Variants in SUFU observed in about 807,000 individuals in gnomAD.
SUFU encodes SUFU negative regulator of hedgehog signaling.
A neutral mutation model predicts 58.9 loss-of-function variants in SUFU; 7 were observed. That is an observed-to-expected ratio of 0.12 (90% CI 0.07 to 0.22). SUFU has a LOEUF of 0.22. SUFU is among the 10% of genes least tolerant of loss of function. SUFU has a pLI of 1.00. For missense variants in SUFU, 451 were observed against 641.3 expected, an observed-to-expected ratio of 0.70 and a Z score of 3.20; for synonymous variants, 232 against 254.8, an observed-to-expected ratio of 0.91 and a Z score of 0.85.
intron 10 of SUFU, chr10:102,618,778 T>C (rs1390447873): frequency 5.9e-6 from 3 of 511,328 alleles, no homozygotes; most frequent in Non-Finnish European, 6.9e-6. Flanking sequence ...CTCCATTCCC[T>C]ACCCCCAGCC....
At chr10:102,604,958 G>T (rs2063549134) in intron 8 of SUFU, among the ~76,000 whole-genome samples, 1 of 125,130 alleles carries the variant, frequency 8.0e-6, no homozygotes, top group South Asian at 2.5e-4. Flanking sequence ...ACGAGGTGAA[G>T]TCTCACTCTG....
intron 8 of SUFU, 146 bp from the exon 9 acceptor site, chr10:102,615,122 C>A: frequency 2.5e-6 from 3 of 1,223,738 alleles, no homozygotes; most frequent in East Asian, 2.5e-5. Flanking sequence ...GCTCGCCAGG[C>A]ATATACAGAA....
At chr10:102,532,490 A>G (rs930892986) in intron 2 of SUFU, among the ~76,000 whole-genome samples, 9 of 152,278 alleles carry the variant, frequency 5.9e-5, no homozygotes, top group African/African-American at 2.2e-4. Context: ...CTGTGGTCAG[A>G]GTGTCAGGCG....
At chr10:102,572,837 C>A in intron 3 of SUFU, 1 of 820,542 alleles carries the variant, frequency 1.2e-6, no homozygotes, top group South Asian at 1.3e-5. Flanking sequence ...TTCTCTCCAT[C>A]ACGCTGAATC....
At chr10:102,615,490 C>T in intron 9 of SUFU, 88 bp downstream of exon 9, 1 of 1,594,770 alleles carries the variant, frequency 6.3e-7, no homozygotes. Flanking sequence ...CAGCCCCCTC[C>T]CCCAGCAGGC....
intron 10 of SUFU, among the ~76,000 whole-genome samples, chr10:102,621,205 C>G (rs777678339): frequency 1.3e-5 from 2 of 152,214 alleles, no homozygotes; most frequent in African/African-American, 2.4e-5. Flanking sequence ...TTTGGTGCCT[C>G]TACTGTTCCT....
intron 2 of SUFU, among the ~76,000 whole-genome samples, chr10:102,544,124 T>C (rs1328138505): frequency 6.6e-6 from 1 of 152,082 alleles, no homozygotes; most frequent in African/African-American, 2.4e-5. Context: ...GCTTTGGAGT[T>C]ATACAGACTT....
chr10:102,609,757 A>G (rs924337856), intron 8 of SUFU, among the ~76,000 whole-genome samples: 3 of 152,208 alleles, frequency 2.0e-5, no homozygotes, highest in African/African-American at 2.4e-5. Flanking sequence ...GAACACCAGA[A>G]TTGGCAGGCG....
chr10:102,527,445 A>G (rs796955811), intron 2 of SUFU, among the ~76,000 whole-genome samples: 1 of 151,886 alleles, frequency 6.6e-6, no homozygotes, highest in Non-Finnish European at 1.5e-5. Flanking sequence ...TGACGGTTTT[A>G]TTTCCCCAAA....
chr10:102,517,480 A>C (rs2062485871), intron 2 of SUFU, among the ~76,000 whole-genome samples: 1 of 152,120 alleles, frequency 6.6e-6, no homozygotes. Flanking sequence ...TTCCCTGTTC[A>C]GCCCACCCTT....
chr10:102,570,597 T>C (rs1165242626), intron 3 of SUFU, among the ~76,000 whole-genome samples: 2 of 152,136 alleles, frequency 1.3e-5, no homozygotes, highest in African/African-American at 4.8e-5. Flanking sequence ...TGTTCCAGTC[T>C]GGTTTCTTGC....
At chr10:102,511,548 G>C (rs1723288770) in intron 2 of SUFU, among the ~76,000 whole-genome samples, 1 of 151,934 alleles carries the variant, frequency 6.6e-6, no homozygotes, top group Admixed American at 6.6e-5. Flanking sequence ...TGTCTTCCGT[G>C]TCATTGTGTT....
At chr10:102,518,860 CCGG>C (rs2062508268) in intron 2 of SUFU, among the ~76,000 whole-genome samples, 1 of 151,526 alleles carries the variant, frequency 6.6e-6, no homozygotes, top group African/African-American at 2.4e-5. Flanking sequence ...AAGGGTCTGG[CCGG>C]GTGCGGTGGC....
intron 3 of SUFU, among the ~76,000 whole-genome samples, chr10:102,580,501 A>G (rs575213304): frequency 6.6e-6 from 1 of 152,140 alleles, no homozygotes; most frequent in East Asian, 1.9e-4. Flanking sequence ...GGGAGGGGGT[A>G]TGGAGCCGGG....
chr10:102,623,512 C>G (rs1278338528), intron 10 of SUFU, among the ~76,000 whole-genome samples: 1 of 152,216 alleles, frequency 6.6e-6, no homozygotes, highest in Non-Finnish European at 1.5e-5. Flanking sequence ...AAAACCAAAG[C>G]TACCTTCACC....
At chr10:102,561,107 T>G (rs915039658) in intron 3 of SUFU, among the ~76,000 whole-genome samples, 17 of 152,226 alleles carry the variant, frequency 1.1e-4, no homozygotes, top group Admixed American at 3.9e-4. Flanking sequence ...CCTCCCAAAG[T>G]GCTGGGATTA....
At chr10:102,620,860 G>A (rs1386168949) in intron 10 of SUFU, among the ~76,000 whole-genome samples, 2 of 152,214 alleles carry the variant, frequency 1.3e-5, no homozygotes, top group Admixed American at 6.5e-5. Flanking sequence ...TCTGAAGGGG[G>A]ATAAGTCTCA....
At chr10:102,528,119 G>A (rs933911428) in intron 2 of SUFU, among the ~76,000 whole-genome samples, 2 of 152,168 alleles carry the variant, frequency 1.3e-5, no homozygotes, top group Non-Finnish European at 1.5e-5. Flanking sequence ...CTCCAGGCTG[G>A]CTTAGGAGTC....
At chr10:102,574,639 A>G (rs915519677) in intron 3 of SUFU, among the ~76,000 whole-genome samples, 10 of 152,210 alleles carry the variant, frequency 6.6e-5, no homozygotes, top group African/African-American at 2.4e-4. Context: ...TAAATAAAAG[A>G]TACAAATATA....
Sources: gnomAD v4.1 joint callset for allele counts (sites outside exome capture counted in the v4.1 genomes callset) on GRCh38, gnomAD v4.1.1 for gene constraint, MANE v1.5 for transcripts, NCBI Gene and HGNC (gene_info 2026-07-23, HGNC 2026-07-21) for gene names.